The following ALKBH5 variants were observed in gnomAD, a reference collection of about 807,000 sequenced individuals.
ALKBH5 encodes the protein RNA demethylase ALKBH5.
Under a neutral mutation model 32.1 loss-of-function variants are expected in ALKBH5, and 2 were observed. The observed-to-expected ratio is 0.06, with a 90% CI of 0.03 to 0.20. The LOEUF is 0.20. ALKBH5 is among the 10% of genes least tolerant of loss of function. The pLI is 1.00. For synonymous variants in ALKBH5, 300 were observed against 231.7 expected (o/e 1.29, Z -2.68); for missense variants, 352 against 559.5 (o/e 0.63, Z 3.74).
intron 1 of ALKBH5, among the ~76,000 whole-genome samples, chr17:18,194,661 T>C (rs1373042185): frequency 2.0e-5 from 3 of 152,124 alleles, no homozygotes; most frequent in African/African-American, 7.2e-5. Flanking sequence ...GAGTACCCTT[T>C]TAAAAAAGGG....
At position 18,185,298 on chromosome 17, in the gene ALKBH5, AT is replaced by A. The variant is rs939633350; in HGVS notation, c.770+296del. Among the ~76,000 whole-genome samples, 542 of 146,384 alleles carry A rather than the reference AT, an allele frequency of 3.7e-3. 1 individual carries two copies. The highest frequency in any genetic ancestry group is 0.014 in the Middle Eastern group (4 of 276). On this transcript the variant is annotated intron_variant, in intron 1 of 3. Coordinates refer to ENST00000399138, the MANE Select transcript of ALKBH5 (RefSeq NM_017758.4). ...TCTTTTCAGAAGGCTGTTCCCTTTG[AT>A]TTTTTTTTTTCCCACCATCCATTTC...
rs1174648070 is a variant in ALKBH5 at position 18,208,224 on chromosome 17, G to A, written c.1013G>A (p.Arg338Gln). 1 of 1,605,318 alleles carries A rather than the reference G, an allele frequency of 6.2e-7. No individual in the cohort carries two copies. Among genetic ancestry groups the A allele is most frequent in the Non-Finnish European group, 8.5e-7 (1 of 1,175,098 alleles). The change falls in exon 4 of 4, where the codon CGG (arginine) becomes CAG (glutamine). Residue 338 changes from arginine (R) to glutamine (Q), a missense_variant. Physicochemically the swap from Arg to Gln is conservative, Grantham distance 43. Transcript: ENST00000399138. ...CTACCTCCCTTTCCTTGCAGGCCAC[G>A]GATCCTGGAGATGGACAAGGAAGAG... is the stretch of plus-strand genomic sequence containing the variant. Reference protein sequence around the residue: ...KADPDAAHRPRILEMDKEENR... With the variant: ...KADPDAAHRPQILEMDKEENR...
At chr17:18,204,427 G>C (rs2047258133) in intron 2 of ALKBH5, among the ~76,000 whole-genome samples, 1 of 147,304 alleles carries the variant, frequency 6.8e-6, no homozygotes, top group African/African-American at 2.5e-5. Context: ...CTCCACCCTG[G>C]ACAACAAGAG....
intron 1 of ALKBH5, among the ~76,000 whole-genome samples, chr17:18,186,742 A>G (rs546770627): frequency 1.3e-5 from 2 of 152,162 alleles, no homozygotes; most frequent in South Asian, 2.1e-4. Context: ...GTCCCTGTCA[A>G]CCCTTTCTGG....
rs1385363447 is a variant in ALKBH5, at chr17:18,204,375, C to T, written c.852-2440C>T. 4.0e-5 allele frequency among the ~76,000 whole-genome samples: 6 copies of T among 151,514 alleles called. No homozygotes were observed. In the East Asian group the frequency reaches 5.8e-4, roughly 15 times the overall value. ...CTGAGGCAGAAGAGTTGCTTGAACGCGGGAGGCGGAGGTTGCAGTGAGCCA... is the reference window on the plus strand; with the variant it reads ...CTGAGGCAGAAGAGTTGCTTGAACGTGGGAGGCGGAGGTTGCAGTGAGCCA... On this transcript the variant is annotated intron_variant, in intron 2 of 3. Coordinates refer to ENST00000399138, the MANE Select transcript of ALKBH5 (RefSeq NM_017758.4).
At chr17:18,189,598 G>T (rs963455237) in intron 1 of ALKBH5, among the ~76,000 whole-genome samples, 1 of 152,112 alleles carries the variant, frequency 6.6e-6, no homozygotes, top group Non-Finnish European at 1.5e-5. Flanking sequence ...TCTTCCTACC[G>T]CCTCCACAAC....
At chr17:18,201,794 AAGATAGATAGATAGATAGAT>A (rs57735712) in intron 2 of ALKBH5, among the ~76,000 whole-genome samples, 4,431 of 134,394 alleles carry the variant, frequency 0.033, 188 homozygotes, top group African/African-American at 0.097. Flanking sequence ...TAGGATAGAT[AAGATAGATAGATAGATAGAT>A]AGATAGATAG....
intron 2 of ALKBH5, among the ~76,000 whole-genome samples, chr17:18,202,777 T>TAA (rs1415261680): frequency 6.9e-6 from 1 of 145,228 alleles, no homozygotes; most frequent in South Asian, 2.2e-4. Flanking sequence ...ATTTTTTAAT[T>TAA]AAAAAAAAAA....
intron 2 of ALKBH5, 101 bp from the exon 3 acceptor site, chr17:18,206,714 G>A: frequency 7.5e-7 from 1 of 1,337,424 alleles, no homozygotes; most frequent in Non-Finnish European, 1.0e-6. Flanking sequence ...TGGCTTCCAG[G>A]TCTAGCTGGC....
chr17:18,205,798 A>G (rs2047266079), intron 2 of ALKBH5, among the ~76,000 whole-genome samples: 4 of 152,160 alleles, frequency 2.6e-5, no homozygotes, highest in African/African-American at 4.8e-5. Flanking sequence ...ACTTCTCCCC[A>G]GCATCCTCTA....
In ALKBH5 at chr17:18,189,944, G is replaced by A. The variant is rs146355552; in HGVS notation, c.770+4931G>A. On this transcript the variant is annotated intron_variant, in intron 1 of 3. Transcript: ENST00000399138. ...AAGTTAGGCCATGGGTCGTCTTGGA[G>A]GCTTGGGTCTGGTAAATAATTGAGC... is the stretch of plus-strand genomic sequence containing the variant. Among the ~76,000 whole-genome samples the A allele has an allele frequency of 3.7e-4, 56 of 152,368 alleles. No individual in the cohort carries two copies. In the East Asian group the frequency reaches 8.7e-3, roughly 24 times the overall value.
chr17:18,202,822 T>G (rs1363616116), intron 2 of ALKBH5, among the ~76,000 whole-genome samples: 1 of 151,796 alleles, frequency 6.6e-6, no homozygotes, highest in Non-Finnish European at 1.5e-5. Flanking sequence ...ACGCCTGTAA[T>G]TCCAGCACTT....
rs1006771506 is a variant in ALKBH5, at chr17:18,185,017, A to G, written c.770+4A>G. On this transcript the variant is annotated splice_donor_region_variant and intron_variant, in intron 1 of 3. Coordinates refer to ENST00000399138, the MANE Select transcript of ALKBH5 (RefSeq NM_017758.4). ...GGGGAAGCGTGACTGTGCTCAGGTA[A>G]CCCACCCGGGTGGAGGGGGCGGCCC... 1 of 1,602,190 alleles carries G rather than the reference A, an allele frequency of 6.2e-7. No homozygotes were observed. Among genetic ancestry groups the G allele is most frequent in the Non-Finnish European group, 8.5e-7 (1 of 1,175,238 alleles).
At chr17:18,185,931 C>A (rs1034744135) in intron 1 of ALKBH5, among the ~76,000 whole-genome samples, 1 of 152,166 alleles carries the variant, frequency 6.6e-6, no homozygotes, top group African/African-American at 2.4e-5. Flanking sequence ...AGGTTTAGAC[C>A]GCAGCTGTTC....
rs889695478 is a variant in ALKBH5 at position 18,184,973 on chromosome 17, C to T, written c.730C>T (p.Leu244Phe). 1 of 1,613,056 alleles carries T rather than the reference C, an allele frequency of 6.2e-7. No individual in the cohort carries two copies. The highest frequency in any genetic ancestry group is 1.3e-5 in the African/African-American group (1 of 75,062). Reference protein sequence around the residue: ...FKPIRVSEPVLSLPVRRGSVT... With the variant: ...FKPIRVSEPVFSLPVRRGSVT... ...GCCTATTCGGGTGTCGGAACCAGTG[C>T]TTTCCCTGCCGGTGCGCAGGGGAAG... The change falls in exon 1 of 4, where the codon CTT (leucine) becomes TTT (phenylalanine). Residue 244 changes from leucine (L) to phenylalanine (F), a missense_variant. By Grantham distance (22) the Leu-to-Phe change is conservative (BLOSUM62 0). Transcript: ENST00000399138.
intron 2 of ALKBH5, among the ~76,000 whole-genome samples, chr17:18,205,561 T>TG (rs1461298089): frequency 6.6e-6 from 1 of 152,240 alleles, no homozygotes; most frequent in Non-Finnish European, 1.5e-5. Context: ...GAGTAACTCT[T>TG]GCCTGTCAGG....
Position 18,184,034 on chromosome 17 carries a change from C to A in ALKBH5, c.-210C>A, listed in dbSNP as rs775490114. 3.0e-6 allele frequency: 2 copies of A among 675,174 alleles called. No individual in the cohort carries two copies. Among genetic ancestry groups the A allele is most frequent in the South Asian group, 1.5e-5 (1 of 65,024 alleles). 41.8% of individuals were successfully genotyped at this position (675,174 alleles called of 1,614,324 possible). On this transcript the variant is annotated 5_prime_UTR_variant, in exon 1 of 4. Transcript: ENST00000399138. ...GGAGAAGGTGGAGGAGGAAGAAGCC[C>A]CGTTGTCGCCACCGTTGCATGACCC...
At chr17:18,202,198 A>G (rs1036849171) in intron 2 of ALKBH5, among the ~76,000 whole-genome samples, 2 of 151,506 alleles carry the variant, frequency 1.3e-5, no homozygotes, top group Admixed American at 1.3e-4. Context: ...CGTTGCAGCT[A>G]CTTGGAGGCT....
rs181356656 is a variant in ALKBH5 at position 18,208,666 on chromosome 17, G to A, written c.*270G>A. On this transcript the variant is annotated 3_prime_UTR_variant, in exon 4 of 4. Transcript: ENST00000399138. ...ACAGAGGCTGATGCTGGAGTGGCCA[G>A]TAGAGGTGGTGGAGCAGAGCAGCCA... 3,067 of 571,204 alleles carry A rather than the reference G, an allele frequency of 5.4e-3. 26 individuals carry two copies. Among genetic ancestry groups the A allele is most frequent in the Non-Finnish European group, 6.6e-3 (2,072 of 316,334 alleles). The allele number at this position is 571,204 out of a possible 1,614,324, so 35.4% of individuals were successfully genotyped here. A position where few individuals can be genotyped will look rare whatever the true frequency, so the allele number is the denominator to read the frequency against.
Sources: gnomAD v4.1 joint callset for allele counts (sites outside exome capture counted in the v4.1 genomes callset) on GRCh38, gnomAD v4.1.1 for gene constraint, MANE v1.5 for transcripts, NCBI Gene and HGNC (gene_info 2026-07-23, HGNC 2026-07-21) for gene names.